The following SGCZ variants were observed in gnomAD, a reference collection of about 807,000 sequenced individuals.
The protein encoded by SGCZ is sarcoglycan zeta.
Under a neutral mutation model 41.3 loss-of-function variants are expected in SGCZ, and 40 were observed. That is an observed-to-expected ratio of 0.97 (90% CI 0.75 to 1.26). SGCZ has a LOEUF of 1.26. SGCZ is among the 50% of genes most tolerant of loss of function. The pLI is 0.00. For synonymous variants in SGCZ, 206 were observed against 137.5 expected, an observed-to-expected ratio of 1.50 and a Z score of -3.49; for missense variants, 552 against 369.8, an observed-to-expected ratio of 1.49 and a Z score of -4.04.
intron 1 of SGCZ, among the ~76,000 whole-genome samples, chr8:14,690,916 T>C (rs1254093963): frequency 1.3e-5 from 2 of 152,184 alleles, no homozygotes; most frequent in East Asian, 3.9e-4. Flanking sequence ...GTCATGTATG[T>C]GCTGTAAGCA....
Position 14,733,373 on chromosome 8 carries a change from T to G in SGCZ, c.40-178447A>C, listed in dbSNP as rs192181371. The stretch of plus-strand genomic sequence containing the variant: ...ATTCCCTCTGCCTCCTAACCAACCC[T>G]AGTACATCCCCATATGGCCCTGCCT... On this transcript the variant is annotated intron_variant, in intron 1 of 7. Coordinates refer to ENST00000382080, the MANE Select transcript of SGCZ (RefSeq NM_139167.4). Among the ~76,000 whole-genome samples, 3 of 152,282 alleles carry G rather than the reference T, an allele frequency of 2.0e-5. No individual in the cohort carries two copies. In the East Asian group the frequency reaches 5.8e-4, roughly 29 times the overall value.
At chr8:14,720,328 A>G (rs1320862564) in intron 1 of SGCZ, among the ~76,000 whole-genome samples, 1 of 152,130 alleles carries the variant, frequency 6.6e-6, no homozygotes, top group Non-Finnish European at 1.5e-5. Context: ...TAAATTCTTA[A>G]GTAGCTATCA....
At chr8:14,829,871 G>A (rs1563299449) in intron 1 of SGCZ, among the ~76,000 whole-genome samples, 1 of 152,076 alleles carries the variant, frequency 6.6e-6, no homozygotes, top group South Asian at 2.1e-4. Context: ...GAGTGCAGTG[G>A]CGCGATCTCG....
intron 1 of SGCZ, among the ~76,000 whole-genome samples, chr8:15,222,795 G>A (rs1382670275): frequency 6.6e-6 from 1 of 151,930 alleles, no homozygotes; most frequent in African/African-American, 2.4e-5. Flanking sequence ...ATGCGTGCAT[G>A]TGTGGGTGTG....
chr8:14,242,665 A>G (rs1357502166), intron 3 of SGCZ, among the ~76,000 whole-genome samples: 1 of 152,204 alleles, frequency 6.6e-6, no homozygotes, highest in Non-Finnish European at 1.5e-5. Context: ...TACTACTAAT[A>G]ATACTGGATA....
chr8:14,800,626 G>C (rs1055764530), intron 1 of SGCZ, among the ~76,000 whole-genome samples: 14 of 152,160 alleles, frequency 9.2e-5, no homozygotes, highest in Non-Finnish European at 1.5e-4. Flanking sequence ...AAAAGTCTGT[G>C]GTGTTTCCAC....
chr8:14,267,138 C>A (rs142533613), intron 3 of SGCZ, among the ~76,000 whole-genome samples: 105 of 151,884 alleles, frequency 6.9e-4, no homozygotes, highest in African/African-American at 2.3e-3. Context: ...TCCCACTTTC[C>A]AGATAAGAGT....
chr8:14,128,103 T>G (rs566905383), intron 5 of SGCZ, among the ~76,000 whole-genome samples: 1 of 152,084 alleles, frequency 6.6e-6, no homozygotes, highest in Non-Finnish European at 1.5e-5. Context: ...TCTGGCGAGG[T>G]TGTGGAGAAA....
chr8:14,408,697 T>C (rs1456331513), intron 2 of SGCZ, among the ~76,000 whole-genome samples: 1 of 152,182 alleles, frequency 6.6e-6, no homozygotes, highest in Non-Finnish European at 1.5e-5. Flanking sequence ...TCCCCTCATC[T>C]AGTCCTGCAT....
intron 1 of SGCZ, among the ~76,000 whole-genome samples, chr8:14,916,160 T>A (rs1402058273): frequency 6.6e-6 from 1 of 152,190 alleles, no homozygotes; most frequent in Non-Finnish European, 1.5e-5. Flanking sequence ...GTTTTAAAAA[T>A]GCATTCTAGG....
At chr8:14,991,637 T>C (rs965824978) in intron 1 of SGCZ, among the ~76,000 whole-genome samples, 5 of 152,134 alleles carry the variant, frequency 3.3e-5, no homozygotes, top group African/African-American at 1.2e-4. Flanking sequence ...CTAGAATTCC[T>C]TGTGTTAGTG....
In SGCZ at chr8:14,863,077, A is replaced by G. The variant is rs571226110; in HGVS notation, c.40-308151T>C. Among the ~76,000 whole-genome samples the G allele has an allele frequency of 7.9e-5, 12 of 152,216 alleles. No homozygotes were observed. In the South Asian group the frequency reaches 1.9e-3, roughly 24 times the overall value. On this transcript the variant is annotated intron_variant, in intron 1 of 7. Transcript: ENST00000382080. The stretch of plus-strand genomic sequence containing the variant: ...TACAAGGTGAGTTCATCGCTCGGTT[A>G]TGTATCTCACATATTTAAAACATCA...
At chr8:14,412,873 A>G (rs186260988) in intron 2 of SGCZ, among the ~76,000 whole-genome samples, 1 of 152,048 alleles carries the variant, frequency 6.6e-6, no homozygotes, top group Non-Finnish European at 1.5e-5. Flanking sequence ...ATGGATGCAA[A>G]TAATAAATAT....
intron 1 of SGCZ, among the ~76,000 whole-genome samples, chr8:14,644,951 T>TTA (rs1554471969): frequency 6.7e-6 from 1 of 149,640 alleles, no homozygotes; most frequent in Admixed American, 6.7e-5. Context: ...GTTGCATAAA[T>TTA]AAAAAAAAAA....
intron 2 of SGCZ, among the ~76,000 whole-genome samples, chr8:14,553,805 A>G (rs1803946897): frequency 6.6e-6 from 1 of 152,090 alleles, no homozygotes; most frequent in African/African-American, 2.4e-5. Flanking sequence ...ACAGCCCAGT[A>G]TAGGAATATC....
At chr8:14,265,091 C>T (rs373749209) in intron 3 of SGCZ, among the ~76,000 whole-genome samples, 64 of 152,026 alleles carry the variant, frequency 4.2e-4, no homozygotes, top group East Asian at 1.9e-3. Flanking sequence ...TTTAGGATAC[C>T]GTGACCTCAC....
intron 2 of SGCZ, among the ~76,000 whole-genome samples, chr8:14,343,704 G>A (rs542999815): frequency 3.9e-5 from 6 of 152,200 alleles, no homozygotes; most frequent in Non-Finnish European, 1.5e-5. Flanking sequence ...AGATTCAGAG[G>A]AGACTCACAA....
At chr8:15,058,774 A>C (rs567309332) in intron 1 of SGCZ, among the ~76,000 whole-genome samples, 1 of 152,294 alleles carries the variant, frequency 6.6e-6, no homozygotes, top group South Asian at 2.1e-4. Flanking sequence ...TCGTGTCAAA[A>C]GTTCATCATA....
chr8:14,982,018 C>T (rs1011472153), intron 1 of SGCZ, among the ~76,000 whole-genome samples: 1 of 151,892 alleles, frequency 6.6e-6, no homozygotes, highest in African/African-American at 2.4e-5. Flanking sequence ...GGCGTGGTGG[C>T]TCATGCCTGT....
Sources: gnomAD v4.1 joint callset for allele counts (sites outside exome capture counted in the v4.1 genomes callset) on GRCh38, gnomAD v4.1.1 for gene constraint, MANE v1.5 for transcripts, NCBI Gene and HGNC (gene_info 2026-07-23, HGNC 2026-07-21) for gene names.